Variants in RDH13 observed in about 807,000 individuals in gnomAD.
The protein encoded by RDH13 is retinol dehydrogenase 13 (all-trans and 9-cis).
RDH13 carries 35 observed loss-of-function variants against 28.3 expected under a neutral mutation model. The ratio of observed to expected loss-of-function variants is 1.24; its 90% CI spans 0.95 to 1.64. The LOEUF (loss-of-function observed/expected upper bound fraction) is 1.64, where lower values mean the gene tolerates loss of function less well. RDH13 is among the 40% of genes most tolerant of loss of function. The probability of loss-of-function intolerance (pLI) is 0.00; values close to 1 mark genes in which losing one functional copy is unlikely to be tolerated. For synonymous variants in RDH13, 229 were observed against 198.5 expected, an observed-to-expected ratio of 1.15 and a Z score of -1.29; for missense variants, 514 against 446.3, an observed-to-expected ratio of 1.15 and a Z score of -1.37.
chr19:55,056,769 C>T lies in RDH13; in HGVS notation c.224G>A (p.Cys75Tyr). ...GCGGATGTCCTTTGCTGCCGCCTCA[C>T]ACTTCTCCATGTCTCGGCAGGCCAG... ...IILACRDMEKCEAAAKDIRGE... is the reference protein window; with the variant it reads ...IILACRDMEKYEAAAKDIRGE... Residue 75 changes from cysteine (C) to tyrosine (Y), a missense_variant, in exon 3 of 7, where the codon TGT (cysteine) becomes TAT (tyrosine). By Grantham distance (194) the Cys-to-Tyr change is radical (BLOSUM62 -2). Transcript: ENST00000415061. 1 of 1,614,144 alleles carries T rather than the reference C, an allele frequency of 6.2e-7. No individual in the cohort carries two copies. The highest frequency in any genetic ancestry group is 8.5e-7 in the Non-Finnish European group (1 of 1,180,024).
intron 1 of RDH13, among the ~76,000 whole-genome samples, chr19:55,060,983 G>T (rs1722373659): frequency 6.6e-6 from 1 of 152,090 alleles, no homozygotes; most frequent in African/African-American, 2.4e-5. Flanking sequence ...ATAAATCAAG[G>T]TATTGGTAGA....
chr19:55,045,108 G>A lies in RDH13; in HGVS notation c.962C>T (p.Ala321Val). ...GAGGGGCTGCTCCCTCACAGAGGGA[G>A]CCTCTAAGCCCACCAGGCGGGCACT... ...AESARLVGLE[A>V]PSVREQPLPR The change falls in exon 7 of 7, where the codon GCT (alanine) becomes GTT (valine). Residue 321 changes from alanine to valine, a missense_variant. By Grantham distance (64) the Ala-to-Val change is moderately conservative. Coordinates refer to ENST00000415061, the MANE Select transcript of RDH13 (RefSeq NM_001145971.2). 1.2e-6 allele frequency: 2 copies of A among 1,611,996 alleles called. No individual in the cohort carries two copies. Among genetic ancestry groups the A allele is most frequent in the Non-Finnish European group, 1.7e-6 (2 of 1,179,280 alleles).
intron 2 of RDH13, among the ~76,000 whole-genome samples, chr19:55,057,434 CCTT>C (rs1192363306): frequency 3.3e-5 from 3 of 90,344 alleles, no homozygotes; most frequent in East Asian, 5.1e-4. Flanking sequence ...CCCATCCTCT[CCTT>C]TTTTTTTTTT....
At chr19:55,065,989 AT>A (rs1282065093), upstream of RDH13, among the ~76,000 whole-genome samples, 1 of 152,228 alleles carries the variant, frequency 6.6e-6, no homozygotes, top group Non-Finnish European at 1.5e-5. Context: ...AAGTGCTGGG[AT>A]TACAAAGCGT....
At chr19:55,066,911 G>A (rs923280228), upstream of RDH13, among the ~76,000 whole-genome samples, 11 of 152,094 alleles carry the variant, frequency 7.2e-5, no homozygotes, top group Non-Finnish European at 1.5e-4. Context: ...CCCAAGCACT[G>A]CCCCAGCTTC....
At chr19:55,065,822 A>T (rs1602848834), upstream of RDH13, among the ~76,000 whole-genome samples, 1 of 152,170 alleles carries the variant, frequency 6.6e-6, no homozygotes, top group South Asian at 2.1e-4. Flanking sequence ...GGTTCAAGCG[A>T]TTCTCCTGCC....
chr19:55,045,294 A>G lies in RDH13; in HGVS notation c.776T>C (p.Leu259Pro). The change falls in exon 7 of 7, where the codon CTG (leucine) becomes CCG (proline). Residue 259 changes from leucine (L) to proline (P), a missense_variant. Physicochemically the swap from Leu to Pro is moderately conservative, Grantham distance 98. Coordinates refer to ENST00000415061, the MANE Select transcript of RDH13 (RefSeq NM_001145971.2). ...SSTTLGPIFWLLVKSPELAAQ... is the reference protein window; with the variant it reads ...SSTTLGPIFWPLVKSPELAAQ... ...GGCCAGCTCGGGGCTCTTGACCAGC[A>G]GCCAGAAGATGGGCCCTGCAATCAG... The G allele has an allele frequency of 1.2e-6, 2 of 1,612,430 alleles. No individual in the cohort carries two copies. Among genetic ancestry groups the G allele is most frequent in the Non-Finnish European group, 1.7e-6 (2 of 1,179,774 alleles).
rs1491128134 is a variant in RDH13, at chr19:55,048,768, AAG to A, written c.341-7_341-6del. 8 of 1,612,652 alleles carry A rather than the reference AAG, an allele frequency of 5.0e-6. No individual in the cohort carries two copies. Among genetic ancestry groups the A allele is most frequent in the East Asian group, 4.5e-5 (2 of 44,862 alleles). ...GAATGTCCACTCGCTCCTCCTCTGGAAGAGAGGGGTGGAGGAGGAGACATCCC... is the reference window on the plus strand; with the variant it reads ...GAATGTCCACTCGCTCCTCCTCTGGAAGAGGGGTGGAGGAGGAGACATCCC... On this transcript the variant is annotated splice_polypyrimidine_tract_variant and splice_region_variant and intron_variant, in intron 3 of 6. Coordinates refer to ENST00000415061, the MANE Select transcript of RDH13 (RefSeq NM_001145971.2).
At chr19:55,048,797 G>A (rs2075331277) in intron 3 of RDH13, 34 bp from the exon 4 acceptor site, 2 of 1,562,612 alleles carry the variant, frequency 1.3e-6, no homozygotes, top group Non-Finnish European at 1.8e-6. Context: ...AGACATCCCG[G>A]TGAGGACAGA....
chr19:55,050,142 G>A (rs2075383180), intron 3 of RDH13, among the ~76,000 whole-genome samples: 1 of 146,672 alleles, frequency 6.8e-6, no homozygotes, highest in African/African-American at 2.5e-5. Context: ...GGGAGATGGA[G>A]TTTCACTCTT....
chr19:55,069,245 C>T (rs1288321600), intron 1 of RDH13: 1 of 150,728 alleles, frequency 6.6e-6, no homozygotes, highest in Non-Finnish European at 1.5e-5. Context: ...GACCCACCCT[C>T]CCTGTGTCAT....
chr19:55,067,991 A>G (rs1014797217), upstream of RDH13, among the ~76,000 whole-genome samples: 3 of 126,496 alleles, frequency 2.4e-5, no homozygotes, highest in African/African-American at 9.4e-5. Flanking sequence ...TCTCTGTCTC[A>G]TATCTCTCTC....
In RDH13 at chr19:55,048,522, G is replaced by A. The variant is rs762931446; in HGVS notation, c.465C>T (p.Asn155=). Residue 155 remains asparagine, a synonymous_variant, in exon 5 of 7, where the codon AAC becomes AAT. Coordinates refer to ENST00000415061, the MANE Select transcript of RDH13 (RefSeq NM_001145971.2). The part of the protein sequence containing the change: ...VNHLGHFLLT[N]LLLDKLKASA... Reference sequence around the variant, plus strand: ...AGGCTTTCAGCTTGTCCAGCAGCAAGTTTGTCAAGAGAAAGTGACCTGGAT... The same window carrying A: ...AGGCTTTCAGCTTGTCCAGCAGCAAATTTGTCAAGAGAAAGTGACCTGGAT... 2.5e-6 allele frequency: 4 copies of A among 1,614,186 alleles called. No homozygotes were observed. In the South Asian group the frequency reaches 4.4e-5, roughly 18 times the overall value.
At chr19:55,062,051 A>G (rs1265318134) in intron 1 of RDH13, among the ~76,000 whole-genome samples, 4 of 151,826 alleles carry the variant, frequency 2.6e-5, no homozygotes, top group African/African-American at 9.7e-5. Context: ...CGGGAGGTGG[A>G]GGTTGTGGTG....
At chr19:55,045,927 C>CGAGCA (rs2075211482) in intron 6 of RDH13, among the ~76,000 whole-genome samples, 6 of 108,956 alleles carry the variant, frequency 5.5e-5, no homozygotes, top group East Asian at 3.0e-4. Flanking sequence ...GCCTGGGTGA[C>CGAGCA]AATAGCAAGA....
chr19:55,062,057 T>C (rs556171362), intron 1 of RDH13, among the ~76,000 whole-genome samples: 81 of 151,154 alleles, frequency 5.4e-4, no homozygotes, highest in Non-Finnish European at 9.9e-4. Context: ...GTGGAGGTTG[T>C]GGTGAGCCGA....
At chr19:55,039,325 A>G (rs2074952452), downstream of RDH13, 1 of 152,252 alleles carries the variant, frequency 6.6e-6, no homozygotes, top group Admixed American at 6.5e-5. Context: ...TGAGGTCAGG[A>G]GTCCGAGACC....
At chr19:55,056,135 C>G (rs552818322) in intron 3 of RDH13, among the ~76,000 whole-genome samples, 1 of 151,930 alleles carries the variant, frequency 6.6e-6, no homozygotes, top group Non-Finnish European at 1.5e-5. Context: ...GCCTGGGCAA[C>G]AGAGCGAGAC....
chr19:55,053,727 C>G (rs1351711523), intron 3 of RDH13: 1 of 151,774 alleles, frequency 6.6e-6, no homozygotes, highest in Non-Finnish European at 1.5e-5. Flanking sequence ...GGAAGAGGAA[C>G]GTGTGGCTAA....
Sources: allele counts gnomAD v4.1 joint callset (sites outside exome capture counted in the v4.1 genomes callset), GRCh38; gene constraint gnomAD v4.1.1; transcripts MANE v1.5; gene names NCBI Gene and HGNC (gene_info 2026-07-23, HGNC 2026-07-21).